Variants in TMEM117 observed in about 807,000 individuals in gnomAD.
TMEM117 encodes transmembrane protein 117.
Under a neutral mutation model 52.4 loss-of-function variants are expected in TMEM117, and 27 were observed. That is an observed-to-expected ratio of 0.51 (90% CI 0.38 to 0.71). The LOEUF is 0.71. Among genes scored for constraint, TMEM117 ranks in the 30% least tolerant of loss-of-function variants. The probability of loss-of-function intolerance (pLI) is 0.00; values close to 1 mark genes in which losing one functional copy is unlikely to be tolerated. For missense variants in TMEM117, 556 were observed against 630.5 expected (o/e 0.88, Z 1.26); for synonymous variants, 215 against 206.3 (o/e 1.04, Z -0.36).
chr12:44,398,970 T>C, the TMEM117 span, among the ~76,000 whole-genome samples: 23 of 152,330 alleles, frequency 1.5e-4, 1 homozygote, highest in East Asian at 2.5e-3. Context: ...ATATGATAAA[T>C]GTTTGTGAGG....
chr12:44,309,137 C>T (rs935813366), intron 6 of TMEM117, among the ~76,000 whole-genome samples: 12 of 151,958 alleles, frequency 7.9e-5, no homozygotes, highest in African/African-American at 2.9e-4. Flanking sequence ...ATTGTTAGAC[C>T]GACAAGTTCA....
At chr12:44,267,262 C>T (rs976036334) in intron 5 of TMEM117, among the ~76,000 whole-genome samples, 2 of 151,656 alleles carry the variant, frequency 1.3e-5, no homozygotes, top group Non-Finnish European at 2.9e-5. Flanking sequence ...ATATTTAGTT[C>T]TTTTTGATGT....
intron 2 of TMEM117, among the ~76,000 whole-genome samples, chr12:43,908,528 T>C (rs1319767838): frequency 1.2e-4 from 18 of 149,834 alleles, no homozygotes; most frequent in Non-Finnish European, 2.4e-4. Flanking sequence ...GGCTAAATGC[T>C]CCAATTAAAA....
chr12:43,839,745 A>T (rs992506031), intron 1 of TMEM117, among the ~76,000 whole-genome samples: 3 of 152,258 alleles, frequency 2.0e-5, no homozygotes, highest in African/African-American at 7.2e-5. Context: ...TTACCCTAGC[A>T]CATAGGCCAG....
chr12:44,062,117 G>C (rs1947148957), intron 3 of TMEM117, among the ~76,000 whole-genome samples: 1 of 152,138 alleles, frequency 6.6e-6, no homozygotes, highest in African/African-American at 2.4e-5. Flanking sequence ...TTAAACCTAA[G>C]ATTTAAAGAA....
chr12:44,275,867 A>G lies in TMEM117; in HGVS notation c.609-23713A>G, dbSNP rs532914271. On this transcript the variant is annotated intron_variant, in intron 5 of 7. Transcript: ENST00000266534. ...CAATAGAGATAGTGAGGAAGAATGA[A>G]TAAGACCTACTATTTTATAGCACAA... 5.5e-4 allele frequency among the ~76,000 whole-genome samples: 84 copies of G among 152,240 alleles called. 1 individual carries two copies. The highest frequency in any genetic ancestry group is 3.6e-3 in the Admixed American group (55 of 15,286).
chr12:43,850,644 C>G (rs914022827), intron 2 of TMEM117, among the ~76,000 whole-genome samples: 2 of 152,184 alleles, frequency 1.3e-5, no homozygotes, highest in Non-Finnish European at 2.9e-5. Context: ...CTTCAGTTGT[C>G]TTCTCTTCAG....
intron 3 of TMEM117, among the ~76,000 whole-genome samples, chr12:44,121,392 C>T (rs1223858559): frequency 1.3e-5 from 2 of 152,140 alleles, no homozygotes; most frequent in East Asian, 1.9e-4. Context: ...CCTGTGCCAC[C>T]CCTGATACTG....
rs576818162 is a variant in TMEM117, at chr12:44,079,369, C to A, written c.411-64156C>A. Among the ~76,000 whole-genome samples the A allele has an allele frequency of 7.2e-5, 11 of 152,284 alleles. No individual in the cohort carries two copies. In the South Asian group the frequency reaches 1.0e-3, roughly 14 times the overall value. On this transcript the variant is annotated intron_variant, in intron 3 of 7. Coordinates refer to ENST00000266534, the MANE Select transcript of TMEM117 (RefSeq NM_032256.3). ...TCCTATTTCTCCACATCCTCTCCAG[C>A]ATCTGTTGTTTTCTGACTTTTTAAT...
At chr12:43,882,101 A>G (rs1358562195) in intron 2 of TMEM117, among the ~76,000 whole-genome samples, 1 of 151,970 alleles carries the variant, frequency 6.6e-6, no homozygotes, top group East Asian at 1.9e-4. Context: ...AAAAACAACA[A>G]CAACAACAAA....
rs545517061 is a variant in TMEM117 at position 43,905,714 on chromosome 12, C to T, written c.278-38496C>T. Among the ~76,000 whole-genome samples, 8 of 152,228 alleles carry T rather than the reference C, an allele frequency of 5.3e-5. No homozygotes were observed. The East Asian group carries it at 1.5e-3, about 29-fold the overall frequency. On this transcript the variant is annotated intron_variant, in intron 2 of 7. Transcript: ENST00000266534. ...TGATTTAGGCTTGGAGCAAGAACTT[C>T]CTTTTCTATGAATTTCTGGATGTGG...
At chr12:43,899,583 T>C (rs1944270675) in intron 2 of TMEM117, among the ~76,000 whole-genome samples, 3 of 152,178 alleles carry the variant, frequency 2.0e-5, no homozygotes. Context: ...GTAAGCCACT[T>C]CAATTAACAG....
intron 3 of TMEM117, among the ~76,000 whole-genome samples, chr12:44,046,534 A>G (rs888356657): frequency 2.0e-5 from 3 of 152,134 alleles, no homozygotes. Flanking sequence ...TGACCCAGAC[A>G]CTTCAGGAAT....
chr12:44,282,848 A>G (rs1013338987), intron 5 of TMEM117, among the ~76,000 whole-genome samples: 2 of 152,196 alleles, frequency 1.3e-5, no homozygotes, highest in African/African-American at 4.8e-5. Flanking sequence ...CATCCCCATC[A>G]CAGGTCCGGA....
At chr12:43,897,907 C>G (rs1944234445) in intron 2 of TMEM117, among the ~76,000 whole-genome samples, 1 of 152,172 alleles carries the variant, frequency 6.6e-6, no homozygotes, top group Non-Finnish European at 1.5e-5. Context: ...GCCATTGTGC[C>G]TGGCCTTTGC....
chr12:44,297,313 G>C (rs1483284177), intron 5 of TMEM117, among the ~76,000 whole-genome samples: 1 of 152,108 alleles, frequency 6.6e-6, no homozygotes, highest in African/African-American at 2.4e-5. Context: ...TTTACTAAAG[G>C]GGGTTCCAGG....
intron 2 of TMEM117, among the ~76,000 whole-genome samples, chr12:43,882,804 A>G (rs191425662): frequency 1.0e-3 from 157 of 152,322 alleles, no homozygotes; most frequent in Non-Finnish European, 5.1e-4. Flanking sequence ...CGATGATCAG[A>G]TGTAGACTTT....
chr12:43,856,080 CT>C (rs1943395289), intron 2 of TMEM117, among the ~76,000 whole-genome samples: 1 of 152,134 alleles, frequency 6.6e-6, no homozygotes, highest in Non-Finnish European at 1.5e-5. Context: ...TATATTAAAA[CT>C]GTATTTATGA....
chr12:43,983,444 C>A (rs1366181466), intron 3 of TMEM117, among the ~76,000 whole-genome samples: 1 of 151,056 alleles, frequency 6.6e-6, no homozygotes, highest in African/African-American at 2.4e-5. Flanking sequence ...ACTGCTGTAG[C>A]CTGTATCACA....
Sources: gnomAD v4.1 joint callset for allele counts (sites outside exome capture counted in the v4.1 genomes callset) on GRCh38, gnomAD v4.1.1 for gene constraint, MANE v1.5 for transcripts, NCBI Gene and HGNC (gene_info 2026-07-23, HGNC 2026-07-21) for gene names.